The following RNF222 variants were observed in gnomAD, a reference collection of about 807,000 sequenced individuals.
The protein encoded by RNF222 is RING finger protein LOC643904.
In RNF222, 14 loss-of-function variants were observed where a neutral mutation model predicts 10.8. The observed-to-expected ratio is 1.30, with a 90% CI of 0.86 to 2.03. The LOEUF is 2.03. Ranked by LOEUF, RNF222 falls within the 30% of genes most tolerant of loss-of-function variation. The pLI is 0.00. For missense variants in RNF222, 298 were observed against 295.8 expected, an observed-to-expected ratio of 1.01 and a Z score of -0.06; for synonymous variants, 141 against 142.5, an observed-to-expected ratio of 0.99 and a Z score of 0.07.
intron 1 of RNF222, among the ~76,000 whole-genome samples, chr17:8,395,144 G>A (rs1231377227): frequency 6.6e-6 from 1 of 152,214 alleles, no homozygotes; most frequent in South Asian, 2.1e-4. Context: ...TTGCCGAGTT[G>A]AAAATGTCCC....
chr17:8,393,037 C>T lies in RNF222; in HGVS notation c.425G>A (p.Ser142Asn). The change falls in exon 3 of 3, where the codon AGC (serine) becomes AAC (asparagine). Residue 142 changes from serine to asparagine, a missense_variant. Coordinates refer to ENST00000399398, the MANE Select transcript of RNF222 (RefSeq NM_001146684.3). The stretch of plus-strand genomic sequence containing the variant: ...AAAGATCTGTGACTCCCGGGGCAGG[C>T]TGGGCAGCAGGTCCAGGGGGAGCTG... ...SAQLPLDLLP[S>N]LPRESQIFVI... 1.3e-6 allele frequency: 2 copies of T among 1,502,034 alleles called. No homozygotes were observed. The highest frequency in any genetic ancestry group is 2.2e-5 in the Admixed American group (1 of 46,286). 93.0% of individuals were successfully genotyped at this position (1,502,034 alleles called of 1,614,324 possible). A position where few individuals can be genotyped will look rare whatever the true frequency, so the allele number is the denominator to read the frequency against.
chr17:8,390,777 A>G lies in RNF222; in HGVS notation c.*2022T>C, dbSNP rs1861364812. 1 of 152,200 alleles carries G rather than the reference A, an allele frequency of 6.6e-6. No homozygotes were observed. The highest frequency in any genetic ancestry group is 2.4e-5 in the African/African-American group (1 of 41,440). The allele number at this position is 152,200 out of a possible 1,614,324, so 9.4% of individuals were successfully genotyped here. ...TGACAATAAAAGGAGTTGCAGCTAC[A>G]GGTCACCATTGAACATACAAAAACA... On this transcript the variant is annotated 3_prime_UTR_variant, in exon 3 of 3. Transcript: ENST00000399398.
rs2151681087 is a variant in RNF222 at position 8,392,015 on chromosome 17, T to C, written c.*784A>G. The C allele has an allele frequency of 6.6e-6, 1 of 152,322 alleles. No individual in the cohort carries two copies. 9.4% of individuals were successfully genotyped at this position (152,322 alleles called of 1,614,324 possible). ...CTCGCCTGTCAGGCTTCCCCTCCACTCCCTGCCACCCTTGAGAACCCCAGG... is the reference window on the plus strand; with the variant it reads ...CTCGCCTGTCAGGCTTCCCCTCCACCCCCTGCCACCCTTGAGAACCCCAGG... On this transcript the variant is annotated 3_prime_UTR_variant, in exon 3 of 3. Transcript: ENST00000399398. The surrounding 1 kb of genome is among the most constrained non-coding windows in gnomAD (Gnocchi z 4.3).
chr17:8,392,917 C>G lies in RNF222; in HGVS notation c.545G>C (p.Arg182Pro). The G allele has an allele frequency of 6.5e-7, 1 of 1,530,754 alleles. No homozygotes were observed. The highest frequency in any genetic ancestry group is 8.7e-7 in the Non-Finnish European group (1 of 1,144,528). The allele number at this position is 1,530,754 out of a possible 1,614,324, so 94.8% of individuals were successfully genotyped here. ...AELSEASLAP[R>P]SARAFCCRSR... ...TCGGCAGCAGAAGGCGCGGGCGGAGCGGGGCGCCAGGGAGGCCTCCGAGAG... is the reference window on the plus strand; with the variant it reads ...TCGGCAGCAGAAGGCGCGGGCGGAGGGGGGCGCCAGGGAGGCCTCCGAGAG... Residue 182 changes from arginine to proline, a missense_variant, in exon 3 of 3, where the codon CGC becomes CCC. Arg to Pro is a moderately radical substitution (Grantham distance 103). Transcript: ENST00000399398. This position sits in a 1 kb window ranked among gnomAD's most constrained non-coding sequence, Gnocchi z 4.3.
chr17:8,393,456 T>C lies in RNF222; in HGVS notation c.6A>G (p.Ser2=). 1 of 1,547,946 alleles carries C rather than the reference T, an allele frequency of 6.5e-7. No homozygotes were observed. The change falls in exon 3 of 3, where the codon TCA becomes TCG. Residue 2 remains serine (S), a synonymous_variant. Coordinates refer to ENST00000399398, the MANE Select transcript of RNF222 (RefSeq NM_001146684.3). The part of the protein sequence containing the change: M[S]EGESKDSSGS... The stretch of plus-strand genomic sequence containing the variant: ...CCGAGCTGTCCTTGCTCTCCCCTTC[T>C]GACATGGCCACTGGGAGATGGCACG...
At chr17:8,396,267 G>A (rs919634227) in intron 1 of RNF222, among the ~76,000 whole-genome samples, 12 of 152,142 alleles carry the variant, frequency 7.9e-5, no homozygotes, top group African/African-American at 1.9e-4. Context: ...TGAGGTGACC[G>A]GTGAAGGTGA....
chr17:8,392,556 A>C lies in RNF222; in HGVS notation c.*243T>G, dbSNP rs1314415317. 10 of 523,698 alleles carry C rather than the reference A, an allele frequency of 1.9e-5. No individual in the cohort carries two copies. The highest frequency in any genetic ancestry group is 3.6e-5 in the Admixed American group (1 of 27,750). The allele number at this position is 523,698 out of a possible 1,614,324, so 32.4% of individuals were successfully genotyped here. On this transcript the variant is annotated 3_prime_UTR_variant, in exon 3 of 3. Transcript: ENST00000399398. This position sits in a 1 kb window ranked among gnomAD's most constrained non-coding sequence, Gnocchi z 4.3. The stretch of plus-strand genomic sequence containing the variant: ...CCACCCATCTTCCCAGCCTAGAGGA[A>C]GGGGAACGCATCTGCTGAGGATTCA...
intron 2 of RNF222, 53 bp from the exon 3 acceptor site, chr17:8,393,539 G>T (rs1027359931): frequency 6.8e-7 from 1 of 1,478,072 alleles, no homozygotes; most frequent in African/African-American, 1.4e-5. Context: ...TCCCTCCCCC[G>T]TCCTAACTCC....
Position 8,393,185 on chromosome 17 carries a change from C to T in RNF222, c.277G>A (p.Gly93Ser). Reference protein sequence around the residue: ...KSSQTLAVPVGLPSVPPLDSL... With the variant: ...KSSQTLAVPVSLPSVPPLDSL... ...TCCAGTGGGGGCACGGAGGGCAGGCCCACGGGCACAGCCAGCGTCTGGGAG... is the reference window on the plus strand; with the variant it reads ...TCCAGTGGGGGCACGGAGGGCAGGCTCACGGGCACAGCCAGCGTCTGGGAG... The change falls in exon 3 of 3, where the codon GGC becomes AGC. Residue 93 changes from glycine to serine, a missense_variant. Coordinates refer to ENST00000399398, the MANE Select transcript of RNF222 (RefSeq NM_001146684.3). 1.9e-6 allele frequency: 3 copies of T among 1,550,536 alleles called. No individual in the cohort carries two copies. The highest frequency in any genetic ancestry group is 2.6e-6 in the Non-Finnish European group (3 of 1,146,924).
At position 8,392,539 on chromosome 17, in the gene RNF222, C is replaced by T. The variant is rs1907869096; in HGVS notation, c.*260G>A. 1 of 508,752 alleles carries T rather than the reference C, an allele frequency of 2.0e-6. No homozygotes were observed. Among genetic ancestry groups the T allele is most frequent in the Non-Finnish European group, 3.5e-6 (1 of 287,732 alleles). 31.5% of individuals were successfully genotyped at this position (508,752 alleles called of 1,614,324 possible). ...CTGCAGGAGGGCAGTGACCACCCAT[C>T]TTCCCAGCCTAGAGGAAGGGGAACG... On this transcript the variant is annotated 3_prime_UTR_variant, in exon 3 of 3. Transcript: ENST00000399398. This position sits in a 1 kb window ranked among gnomAD's most constrained non-coding sequence, Gnocchi z 4.3.
intron 1 of RNF222, among the ~76,000 whole-genome samples, chr17:8,397,361 G>A (rs1022691890): frequency 7.9e-5 from 12 of 152,108 alleles, no homozygotes; most frequent in African/African-American, 2.2e-4. Flanking sequence ...CCCCAGTACT[G>A]AGCCTCCCCC....
At chr17:8,393,740 G>A (rs571728857) in intron 2 of RNF222, among the ~76,000 whole-genome samples, 38 of 152,288 alleles carry the variant, frequency 2.5e-4, no homozygotes, top group African/African-American at 8.9e-4. Flanking sequence ...GAGAACCAGA[G>A]AACCCAGTCA....
chr17:8,392,518 A>C lies in RNF222; in HGVS notation c.*281T>G. 1 of 465,194 alleles carries C rather than the reference A, an allele frequency of 2.1e-6. No homozygotes were observed. Among genetic ancestry groups the C allele is most frequent in the Non-Finnish European group, 3.8e-6 (1 of 260,448 alleles). 28.8% of individuals were successfully genotyped at this position (465,194 alleles called of 1,614,324 possible). ...TGCCGCTCAGGGCTGGTGAGCCTGC[A>C]GGAGGGCAGTGACCACCCATCTTCC... On this transcript the variant is annotated 3_prime_UTR_variant, in exon 3 of 3. Coordinates refer to ENST00000399398, the MANE Select transcript of RNF222 (RefSeq NM_001146684.3). The surrounding 1 kb of genome is among the most constrained non-coding windows in gnomAD (Gnocchi z 4.3).
At chr17:8,397,329 C>T (rs1908068329) in intron 1 of RNF222, among the ~76,000 whole-genome samples, 1 of 152,120 alleles carries the variant, frequency 6.6e-6, no homozygotes, top group African/African-American at 2.4e-5. Context: ...ATGGCTGGCC[C>T]AAGGGAGCTG....
chr17:8,395,945 ATT>A (rs1430319301), intron 1 of RNF222, among the ~76,000 whole-genome samples: 1 of 152,128 alleles, frequency 6.6e-6, no homozygotes, highest in Non-Finnish European at 1.5e-5. Context: ...TTCGACACAT[ATT>A]TATTGAGCAC....
At chr17:8,393,727 A>G (rs1322433058) in intron 2 of RNF222, among the ~76,000 whole-genome samples, 1 of 152,210 alleles carries the variant, frequency 6.6e-6, no homozygotes, top group African/African-American at 2.4e-5. Context: ...GAATCGGGAG[A>G]CAGAGAACCA....
rs1329018966 is a variant in RNF222, at chr17:8,391,644, A to C, written c.*1155T>G. 1 of 152,094 alleles carries C rather than the reference A, an allele frequency of 6.6e-6. No individual in the cohort carries two copies. The highest frequency in any genetic ancestry group is 2.4e-5 in the African/African-American group (1 of 41,370). 9.4% of individuals were successfully genotyped at this position (152,094 alleles called of 1,614,324 possible). A position where few individuals can be genotyped will look rare whatever the true frequency, so the allele number is the denominator to read the frequency against. ...TTGAAAGGTGTTGGTTGACTTACGG[A>C]CCTCAATAAACAGCCAATAGCTATC... On this transcript the variant is annotated 3_prime_UTR_variant, in exon 3 of 3. Coordinates refer to ENST00000399398, the MANE Select transcript of RNF222 (RefSeq NM_001146684.3).
At chr17:8,393,583 C>G in intron 2 of RNF222, 97 bp from the exon 3 acceptor site, 1 of 1,420,254 alleles carries the variant, frequency 7.0e-7, no homozygotes, top group African/African-American at 1.4e-5. Context: ...CCCCTTATCC[C>G]CTCTCCCTGT....
chr17:8,392,620 GC>G lies in RNF222; in HGVS notation c.*178del, dbSNP rs1399194902. 1.4e-6 allele frequency: 1 copy of G among 712,954 alleles called. No homozygotes were observed. Among genetic ancestry groups the G allele is most frequent in the Non-Finnish European group, 2.2e-6 (1 of 448,222 alleles). 44.2% of individuals were successfully genotyped at this position (712,954 alleles called of 1,614,324 possible). On this transcript the variant is annotated 3_prime_UTR_variant, in exon 3 of 3. Transcript: ENST00000399398. This position sits in a 1 kb window ranked among gnomAD's most constrained non-coding sequence, Gnocchi z 4.3. ...CGCCGCGCGCATGGAGTCAGCTCCA[GC>G]CTCTCTGTCGAGCGGAAGCCCCTGC...
Sources: allele counts gnomAD v4.1 joint callset (sites outside exome capture counted in the v4.1 genomes callset), GRCh38; gene constraint gnomAD v4.1.1; non-coding constraint Gnocchi (gnomAD v3.1); transcripts MANE v1.5; gene names NCBI Gene and HGNC (gene_info 2026-07-23, HGNC 2026-07-21).